The following FLT3 variants were observed in gnomAD, a reference collection of about 807,000 sequenced individuals.
FLT3 encodes receptor-type tyrosine-protein kinase FLT3.
Under a neutral mutation model 126.6 loss-of-function variants are expected in FLT3, and 46 were observed. The ratio of observed to expected loss-of-function variants is 0.36; its 90% CI spans 0.29 to 0.46. The LOEUF (loss-of-function observed/expected upper bound fraction) is 0.46, where lower values mean the gene tolerates loss of function less well. Ranked by LOEUF, FLT3 falls within the 20% of genes least tolerant of loss-of-function variation. FLT3 has a pLI of 1.00. For synonymous variants in FLT3, 404 were observed against 434.4 expected, an observed-to-expected ratio of 0.93 and a Z score of 0.87; for missense variants, 1,069 against 1,190.3, an observed-to-expected ratio of 0.90 and a Z score of 1.50.
intron 19 of FLT3, among the ~76,000 whole-genome samples, chr13:28,021,433 A>G (rs1872375147): frequency 6.6e-6 from 1 of 152,182 alleles, no homozygotes; most frequent in Admixed American, 6.5e-5. Flanking sequence ...TTGTAGTTGT[A>G]TAAGTGAAAT....
intron 19 of FLT3, among the ~76,000 whole-genome samples, chr13:28,021,831 C>T (rs1216285072): frequency 6.6e-6 from 1 of 151,838 alleles, no homozygotes; most frequent in African/African-American, 2.4e-5. Flanking sequence ...CAAGCTCCGC[C>T]TCCCAGGTTC....
chr13:28,051,911 A>G (rs1875523728), intron 5 of FLT3, among the ~76,000 whole-genome samples: 1 of 151,578 alleles, frequency 6.6e-6, no homozygotes, highest in Admixed American at 6.6e-5. Flanking sequence ...CCCCAACCAG[A>G]TGCCCAGGGA....
intron 1 of FLT3, among the ~76,000 whole-genome samples, chr13:28,090,901 C>G (rs1263638987): frequency 6.6e-6 from 1 of 152,114 alleles, no homozygotes; most frequent in African/African-American, 2.4e-5. Flanking sequence ...CAAACACATT[C>G]TGAGCGGTGA....
chr13:28,035,498 GAGAGTTTAAA>G lies in FLT3; in HGVS notation c.1584_1593del (p.Leu529GlnfsTer27). The stretch of plus-strand genomic sequence containing the variant: ...ATCACAAGAACAACTGTTGTACCTG[GAGAGTTTAAA>G]AGGATCGTCTCACAAGATGTGCCAA... On this transcript the variant is annotated frameshift_variant, in exon 12 of 24. Coordinates refer to ENST00000241453, the MANE Select transcript of FLT3 (RefSeq NM_004119.3). LOFTEE classifies it high-confidence loss of function. 6.2e-7 allele frequency: 1 copy of G among 1,612,532 alleles called. No homozygotes were observed. Among genetic ancestry groups the G allele is most frequent in the South Asian group, 1.1e-5 (1 of 90,670 alleles).
intron 3 of FLT3, among the ~76,000 whole-genome samples, chr13:28,060,715 C>T (rs1876479202): frequency 6.6e-6 from 1 of 152,054 alleles, no homozygotes; most frequent in African/African-American, 2.4e-5. Flanking sequence ...AGCTATTCTC[C>T]TGCCTCAGCC....
intron 9 of FLT3, among the ~76,000 whole-genome samples, chr13:28,042,679 C>T (rs1270163479): frequency 6.6e-6 from 1 of 152,058 alleles, no homozygotes. Context: ...CACAGAATGG[C>T]TTCTTAAGAT....
intron 23 of FLT3, among the ~76,000 whole-genome samples, chr13:28,010,308 C>T (rs1048465169): frequency 2.6e-5 from 4 of 152,148 alleles, no homozygotes; most frequent in Non-Finnish European, 5.9e-5. Flanking sequence ...AGTATTTACC[C>T]TTGCTAATGA....
intron 19 of FLT3, among the ~76,000 whole-genome samples, chr13:28,019,535 C>T (rs1872193607): frequency 6.6e-6 from 1 of 152,122 alleles, no homozygotes; most frequent in Non-Finnish European, 1.5e-5. Flanking sequence ...TAAAAAGCAG[C>T]ACCATGAACA....
Position 28,100,104 on chromosome 13 carries a change from G to A in FLT3, c.43+364C>T, listed in dbSNP as rs1193083820. Among the ~76,000 whole-genome samples, 2 of 152,114 alleles carry A rather than the reference G, an allele frequency of 1.3e-5. No homozygotes were observed. Among genetic ancestry groups the A allele is most frequent in the Non-Finnish European group, 2.9e-5 (2 of 68,008 alleles). On this transcript the variant is annotated intron_variant, in intron 1 of 23. Transcript: ENST00000241453. The surrounding 1 kb of genome is among the most constrained non-coding windows in gnomAD (Gnocchi z 4.8). ...TTGGCCACCTGGCGCCGAGTTCGCG[G>A]CCGCAGACTCCCACGGACGGCCCAG... is the stretch of plus-strand genomic sequence containing the variant.
intron 1 of FLT3, among the ~76,000 whole-genome samples, chr13:28,071,573 T>C (rs147861847): frequency 3.7e-4 from 57 of 152,270 alleles, no homozygotes; most frequent in Non-Finnish European, 5.4e-4. Flanking sequence ...TCTTTGACAG[T>C]CTCTTCACAT....
chr13:28,079,864 T>C lies in FLT3; in HGVS notation c.44-9252A>G, dbSNP rs536519919. Among the ~76,000 whole-genome samples the C allele has an allele frequency of 1.6e-4, 25 of 152,160 alleles. No homozygotes were observed. The East Asian group carries it at 4.3e-3, about 26-fold the overall frequency. On this transcript the variant is annotated intron_variant, in intron 1 of 23. Coordinates refer to ENST00000241453, the MANE Select transcript of FLT3 (RefSeq NM_004119.3). ...TTTGGGTGGAGACACAGCCAAACCATATCACTTCCACTCATGACAGAAGGG... is the reference window on the plus strand; with the variant it reads ...TTTGGGTGGAGACACAGCCAAACCACATCACTTCCACTCATGACAGAAGGG...
chr13:28,028,254 C>T lies in FLT3; in HGVS notation c.1977G>A (p.Met659Ile), dbSNP rs1566066717. The stretch of plus-strand genomic sequence containing the variant: ...GCTGGGTCATCATCTTGAGTTCTGA[C>T]ATGAGTGCCTCTCTTTCAGAGCTGT... ...KADSSEREAL[M>I]SELKMMTQLG... The change falls in exon 16 of 24, where the codon ATG (methionine) becomes ATA (isoleucine). Residue 659 changes from methionine to isoleucine, a missense_variant. Physicochemically the swap from Met to Ile is conservative, Grantham distance 10. Coordinates refer to ENST00000241453, the MANE Select transcript of FLT3 (RefSeq NM_004119.3). The T allele has an allele frequency of 6.2e-6, 10 of 1,607,486 alleles. No individual in the cohort carries two copies. The highest frequency in any genetic ancestry group is 8.5e-6 in the Non-Finnish European group (10 of 1,174,104).
chr13:28,087,569 C>T (rs931072173), intron 1 of FLT3, among the ~76,000 whole-genome samples: 9 of 152,062 alleles, frequency 5.9e-5, no homozygotes, highest in African/African-American at 7.2e-5. Context: ...CATTTTTATC[C>T]GATTTTGACA....
At chr13:28,091,445 T>A (rs1228361328) in intron 1 of FLT3, among the ~76,000 whole-genome samples, 1 of 150,734 alleles carries the variant, frequency 6.6e-6, no homozygotes, top group Non-Finnish European at 1.5e-5. Flanking sequence ...ATGGTCTCGA[T>A]CTCCTGACCT....
rs1419038234 is a variant in FLT3 at position 28,035,488 on chromosome 13, G to A, written c.1597+7C>T. ...ATGGTGGAATATCACAAGAACAACTGTTGTACCTGGAGAGTTTAAAAGGAT... is the reference window on the plus strand; with the variant it reads ...ATGGTGGAATATCACAAGAACAACTATTGTACCTGGAGAGTTTAAAAGGAT... On this transcript the variant is annotated splice_region_variant and intron_variant, in intron 12 of 23. Coordinates refer to ENST00000241453, the MANE Select transcript of FLT3 (RefSeq NM_004119.3). 24 of 1,609,574 alleles carry A rather than the reference G, an allele frequency of 1.5e-5. No individual in the cohort carries two copies. Among genetic ancestry groups the A allele is most frequent in the Non-Finnish European group, 2.0e-5 (23 of 1,178,322 alleles).
chr13:28,011,325 A>G (rs1593209596), intron 23 of FLT3, among the ~76,000 whole-genome samples: 5 of 89,756 alleles, frequency 5.6e-5, no homozygotes, highest in Admixed American at 2.6e-4. Context: ...AAAAGAAAAG[A>G]GGAGAGGAGA....
chr13:28,004,612 C>T (rs2137579859), intron 23 of FLT3, among the ~76,000 whole-genome samples: 1 of 152,184 alleles, frequency 6.6e-6, no homozygotes, highest in Middle Eastern at 3.4e-3. Flanking sequence ...CCGGCCTAGA[C>T]ATCACTTTTA....
Position 28,061,941 on chromosome 13 carries a change from T to A in FLT3, c.294A>T (p.Pro98=). 1 of 1,614,024 alleles carries A rather than the reference T, an allele frequency of 6.2e-7. No individual in the cohort carries two copies. The highest frequency in any genetic ancestry group is 8.5e-7 in the Non-Finnish European group (1 of 1,179,922). ...AGACCCAGAGACAGGAAATGTTCCCTGGGGCGTCGACCAGCACTTGCAGTG... is the reference window on the plus strand; with the variant it reads ...AGACCCAGAGACAGGAAATGTTCCCAGGGGCGTCGACCAGCACTTGCAGTG... ...SITLQVLVDA[P]GNISCLWVFK... The change falls in exon 3 of 24, where the codon CCA becomes CCT. Residue 98 remains proline, a synonymous_variant. Coordinates refer to ENST00000241453, the MANE Select transcript of FLT3 (RefSeq NM_004119.3).
intron 9 of FLT3, among the ~76,000 whole-genome samples, chr13:28,038,792 G>T (rs539646418): frequency 2.6e-5 from 4 of 152,090 alleles, no homozygotes; most frequent in Non-Finnish European, 4.4e-5. Context: ...GACCCTGCCT[G>T]GCAGGTTAGG....
Sources: gnomAD v4.1 joint callset for allele counts (sites outside exome capture counted in the v4.1 genomes callset) on GRCh38, gnomAD v4.1.1 for gene constraint, Gnocchi (gnomAD v3.1) non-coding constraint, MANE v1.5 for transcripts, NCBI Gene and HGNC (gene_info 2026-07-23, HGNC 2026-07-21) for gene names.